Variants in GRID2 observed in about 807,000 individuals in gnomAD.
The protein encoded by GRID2 is glutamate ionotropic receptor delta type subunit 2.
Under a neutral mutation model 114.8 loss-of-function variants are expected in GRID2, and 33 were observed. The observed-to-expected ratio is 0.29, with a 90% CI of 0.22 to 0.38. GRID2 has a LOEUF of 0.38. GRID2 is among the 10% of genes least tolerant of loss of function. The pLI, the probability that GRID2 is intolerant of heterozygous loss-of-function variation, is 1.00. For missense variants in GRID2, 1,184 were observed against 1,257.7 expected (o/e 0.94, Z 0.89); for synonymous variants, 505 against 449.9 (o/e 1.12, Z -1.55).
chr4:92,511,015 C>T (rs1724218783), intron 1 of GRID2, among the ~76,000 whole-genome samples: 1 of 151,660 alleles, frequency 6.6e-6, no homozygotes, highest in Non-Finnish European at 1.5e-5. Context: ...TTTGGCTTAC[C>T]ATAAGATTTA....
chr4:93,515,784 A>C (rs1416295452), intron 13 of GRID2, among the ~76,000 whole-genome samples: 1 of 152,134 alleles, frequency 6.6e-6, no homozygotes, highest in Non-Finnish European at 1.5e-5. Context: ...TCTACACTAC[A>C]CTTGTTTTTG....
At chr4:93,435,977 C>G (rs1721044338) in intron 10 of GRID2, among the ~76,000 whole-genome samples, 1 of 141,208 alleles carries the variant, frequency 7.1e-6, no homozygotes, top group African/African-American at 2.7e-5. Flanking sequence ...CAGTCTCTTT[C>G]AAATTCTTTG....
At position 93,188,149 on chromosome 4, in the gene GRID2, T is replaced by C. The variant is rs1399424375; in HGVS notation, c.736-19255T>C. On this transcript the variant is annotated intron_variant, in intron 4 of 15. Coordinates refer to ENST00000282020, the MANE Select transcript of GRID2 (RefSeq NM_001510.4). ...CTCACCCCCAGAGCTTCACCAGACA[T>C]TGCCCTAATGGGATCCCTCTGTGGT... 2.6e-5 allele frequency among the ~76,000 whole-genome samples: 4 copies of C among 152,224 alleles called. No homozygotes were observed. In the East Asian group the frequency reaches 7.7e-4, roughly 29 times the overall value.
intron 1 of GRID2, among the ~76,000 whole-genome samples, chr4:93,804,510 G>T (rs574898547): frequency 3.3e-5 from 5 of 152,166 alleles, no homozygotes; most frequent in Admixed American, 2.6e-4. Flanking sequence ...ACATAGGAAA[G>T]GTACAGTAAA....
rs767348604 is a variant in GRID2, at chr4:93,781,511, CAG to C, written c.221+12062_221+12063del. On this transcript the variant is annotated intron_variant, in intron 1 of 1. Coordinates refer to the GRID2 transcript ENST00000637838. ...ATTTCTTCATTTGCAGTGGGTCCCTCAGTGTCAGTGGGGGGTTGGTTCCCTCA... is the reference window on the plus strand; with the variant it reads ...ATTTCTTCATTTGCAGTGGGTCCCTCTGTCAGTGGGGGGTTGGTTCCCTCA... Among the ~76,000 whole-genome samples the C allele has an allele frequency of 3.3e-5, 5 of 152,202 alleles. No homozygotes were observed. In the East Asian group the frequency reaches 5.8e-4, roughly 18 times the overall value.
chr4:92,670,300 C>T (rs981403760), intron 2 of GRID2, among the ~76,000 whole-genome samples: 3 of 152,084 alleles, frequency 2.0e-5, no homozygotes, highest in African/African-American at 7.2e-5. Context: ...TAGCATTTAG[C>T]AAACTGATCA....
chr4:93,749,643 G>A (rs1004332083), intron 14 of GRID2, among the ~76,000 whole-genome samples: 1 of 152,096 alleles, frequency 6.6e-6, no homozygotes, highest in Non-Finnish European at 1.5e-5. Context: ...CTCTCTACAT[G>A]TTATAAACAT....
At chr4:92,754,175 T>C (rs540586418) in intron 2 of GRID2, among the ~76,000 whole-genome samples, 2 of 152,202 alleles carry the variant, frequency 1.3e-5, no homozygotes, top group Non-Finnish European at 2.9e-5. Context: ...CTGAAAAGAC[T>C]AATGTAAACT....
At chr4:92,327,002 C>A (rs1015622912) in intron 1 of GRID2, among the ~76,000 whole-genome samples, 2 of 151,926 alleles carry the variant, frequency 1.3e-5, no homozygotes, top group African/African-American at 4.8e-5. Flanking sequence ...CCAGGTTACT[C>A]CACACATTTC....
chr4:92,803,482 T>G (rs1740269149), intron 2 of GRID2, among the ~76,000 whole-genome samples: 1 of 151,980 alleles, frequency 6.6e-6, no homozygotes, highest in African/African-American at 2.4e-5. Context: ...TTTTCCTAAC[T>G]GTGGATACTC....
At position 92,557,534 on chromosome 4, in the gene GRID2, C is replaced by A. The variant is rs147740697; in HGVS notation, c.89-32597C>A. ...GAAATAAATTGCAACCAAATAAAAC[C>A]TTATATTTCTGTATTAGATATTTTA... On this transcript the variant is annotated intron_variant, in intron 1 of 15. Transcript: ENST00000282020. Among the ~76,000 whole-genome samples the A allele has an allele frequency of 1.7e-3, 256 of 150,404 alleles. 1 individual carries two copies. The highest frequency in any genetic ancestry group is 5.7e-3 in the African/African-American group (235 of 41,096).
At chr4:92,791,544 G>A (rs1739594228) in intron 2 of GRID2, among the ~76,000 whole-genome samples, 2 of 151,932 alleles carry the variant, frequency 1.3e-5, no homozygotes, top group African/African-American at 4.8e-5. Flanking sequence ...TAACTTCCAT[G>A]TGTGCTTTCC....
intron 2 of GRID2, among the ~76,000 whole-genome samples, chr4:92,906,068 ATAGTT>A (rs1246630771): frequency 3.3e-5 from 5 of 152,176 alleles, no homozygotes. Flanking sequence ...TGAGAGGTGA[ATAGTT>A]TATGTTTGGT....
At chr4:92,590,475 A>G (rs954628893) in intron 2 of GRID2, among the ~76,000 whole-genome samples, 189 bp downstream of exon 2, 2 of 152,210 alleles carry the variant, frequency 1.3e-5, no homozygotes, top group African/African-American at 4.8e-5. Context: ...CAGAATGTGG[A>G]AAGTTATTAT....
At chr4:92,389,058 A>G (rs540560683) in intron 1 of GRID2, among the ~76,000 whole-genome samples, 8 of 152,164 alleles carry the variant, frequency 5.3e-5, no homozygotes, top group African/African-American at 1.9e-4. Context: ...ATCTGCATAC[A>G]TAACAATTTC....
chr4:92,562,826 G>A (rs113467029), intron 1 of GRID2, among the ~76,000 whole-genome samples: 4,326 of 152,160 alleles, frequency 0.028, 182 homozygotes, highest in African/African-American at 0.089. Context: ...ATATGTAATC[G>A]TTTTACATAC....
chr4:93,172,393 C>T (rs140776113), intron 4 of GRID2, among the ~76,000 whole-genome samples: 2,281 of 152,164 alleles, frequency 0.015, 25 homozygotes, highest in Admixed American at 0.027. Context: ...GAGTTCGGGA[C>T]CAGCCTGGCC....
chr4:93,358,087 T>C (rs1175929331), intron 8 of GRID2, among the ~76,000 whole-genome samples: 1 of 151,858 alleles, frequency 6.6e-6, no homozygotes, highest in Non-Finnish European at 1.5e-5. Context: ...CTTATCAAAT[T>C]TGTAGATCAA....
intron 14 of GRID2, among the ~76,000 whole-genome samples, chr4:93,651,204 C>T (rs1722550700): frequency 6.6e-6 from 1 of 152,162 alleles, no homozygotes. Flanking sequence ...TCCATCTTAT[C>T]CCTCACAGCA....
Sources: gnomAD v4.1 joint callset for allele counts (sites outside exome capture counted in the v4.1 genomes callset) on GRCh38, gnomAD v4.1.1 for gene constraint, MANE v1.5 for transcripts, NCBI Gene and HGNC (gene_info 2026-07-23, HGNC 2026-07-21) for gene names.